FUBP1: variants seen among roughly 807,000 people sequenced by gnomAD.
FUBP1 encodes the protein far upstream element binding protein 1.
A neutral mutation model predicts 94.9 loss-of-function variants in FUBP1; 16 were observed. The ratio of observed to expected loss-of-function variants is 0.17; its 90% CI spans 0.11 to 0.26. The LOEUF is 0.26. Ranked by LOEUF, FUBP1 falls within the 10% of genes least tolerant of loss-of-function variation. The pLI is 1.00. For missense variants in FUBP1, 583 were observed against 808.6 expected, an observed-to-expected ratio of 0.72 and a Z score of 3.38; for synonymous variants, 279 against 254.9, an observed-to-expected ratio of 1.09 and a Z score of -0.90.
Position 77,947,946 on chromosome 1 carries a change from GT to G in FUBP1, c.*819del. 1.0e-6 allele frequency: 1 copy of G among 1,003,724 alleles called. No individual in the cohort carries two copies. Among genetic ancestry groups the G allele is most frequent in the Non-Finnish European group, 1.2e-6 (1 of 819,000 alleles). 62.2% of individuals were successfully genotyped at this position (1,003,724 alleles called of 1,614,324 possible). ...GAGTTGCTTCACATGGAAAAAAACTGTTCTTATTAGACTACTCATATTCACT... is the reference window on the plus strand; with the variant it reads ...GAGTTGCTTCACATGGAAAAAAACTGTCTTATTAGACTACTCATATTCACT... On this transcript the variant is annotated 3_prime_UTR_variant, in exon 20 of 20. Transcript: ENST00000370768.
chr1:77,967,545 A>T, intron 4 of FUBP1, 82 bp downstream of exon 4: 1 of 964,090 alleles, frequency 1.0e-6, no homozygotes, highest in Non-Finnish European at 1.6e-6. Flanking sequence ...ACACATATTC[A>T]ATATACACCA....
Position 77,949,256 on chromosome 1 carries a change from G to A in FUBP1, c.1825C>T (p.Pro609Ser). Reference sequence around the variant, plus strand: ...TCAGCCCAGGCTGCACTATAATCTGGCTGACCACCTGGAGGAGCCCCAGTC... The same window carrying A: ...TCAGCCCAGGCTGCACTATAATCTGACTGACCACCTGGAGGAGCCCCAGTC... ...APTGAPPGGQ[P>S]DYSAAWAEYY... The change falls in exon 19 of 20, where the codon CCA becomes TCA. Residue 609 changes from proline (P) to serine (S), a missense_variant. Transcript: ENST00000370768. The A allele has an allele frequency of 6.2e-7, 1 of 1,613,630 alleles. No homozygotes were observed. Among genetic ancestry groups the A allele is most frequent in the Non-Finnish European group, 8.5e-7 (1 of 1,179,626 alleles).
intron 3 of FUBP1, among the ~76,000 whole-genome samples, 185 bp downstream of exon 3, chr1:77,967,980 G>A (rs559072610): frequency 3.3e-5 from 5 of 151,932 alleles, no homozygotes; most frequent in Non-Finnish European, 5.9e-5. Flanking sequence ...ACATATACCC[G>A]GCCACAATTA....
intron 18 of FUBP1, among the ~76,000 whole-genome samples, chr1:77,952,256 A>T (rs190232912): frequency 1.9e-3 from 285 of 152,200 alleles, no homozygotes; most frequent in Non-Finnish European, 3.2e-3. Flanking sequence ...TAAAATAAAA[A>T]AAAATAAAAT....
chr1:77,969,582 G>A (rs1195179717), intron 2 of FUBP1, among the ~76,000 whole-genome samples: 1 of 152,034 alleles, frequency 6.6e-6, no homozygotes, highest in Non-Finnish European at 1.5e-5. Context: ...TCACGTATGA[G>A]TAAAACCAGT....
In FUBP1 at chr1:77,946,439, T is replaced by C. The variant is rs1470840719; in HGVS notation, c.*2327A>G. 3 of 200,956 alleles carry C rather than the reference T, an allele frequency of 1.5e-5. No individual in the cohort carries two copies. The highest frequency in any genetic ancestry group is 4.6e-5 in the African/African-American group (2 of 43,498). 12.4% of individuals were successfully genotyped at this position (200,956 alleles called of 1,614,324 possible). On this transcript the variant is annotated 3_prime_UTR_variant, in exon 20 of 20. Coordinates refer to ENST00000370768, the MANE Select transcript of FUBP1 (RefSeq NM_003902.5). ...TACATTTTGGGGAAGCAGTAGCAGA[T>C]TGCCTTTGAATACACAACCACAAAA...
At chr1:77,962,746 A>G in intron 14 of FUBP1, 24 bp downstream of exon 14, 1 of 1,565,978 alleles carries the variant, frequency 6.4e-7, no homozygotes, top group Non-Finnish European at 8.8e-7. Context: ...TACACTAAAA[A>G]TTAAAAGTTT....
rs1270526690 is a variant in FUBP1 at position 77,977,736 on chromosome 1, G to A, written c.120+1149C>T. Among the ~76,000 whole-genome samples, 4 of 152,276 alleles carry A rather than the reference G, an allele frequency of 2.6e-5. No individual in the cohort carries two copies. The East Asian group carries it at 7.7e-4, about 29-fold the overall frequency. On this transcript the variant is annotated intron_variant, in intron 1 of 19. Transcript: ENST00000370768. Reference sequence around the variant, plus strand: ...TGTTCAGAATTTCTTAAATTACGTGGAAAAAACCGCAGAACTAATATTAAT... The same window carrying A: ...TGTTCAGAATTTCTTAAATTACGTGAAAAAAACCGCAGAACTAATATTAAT...
chr1:77,962,338 T>C (rs1239501110), intron 14 of FUBP1, among the ~76,000 whole-genome samples: 1 of 152,182 alleles, frequency 6.6e-6, no homozygotes, highest in African/African-American at 2.4e-5. Context: ...AGATGATCTG[T>C]GAGCCAGTCC....
chr1:77,969,591 G>A (rs913937569), intron 2 of FUBP1, among the ~76,000 whole-genome samples: 2 of 152,072 alleles, frequency 1.3e-5, no homozygotes. Flanking sequence ...AGTAAAACCA[G>A]TGAAGTGTCT....
At chr1:77,949,026 C>T in intron 19 of FUBP1, 129 bp downstream of exon 19, 1 of 983,786 alleles carries the variant, frequency 1.0e-6, no homozygotes, top group Non-Finnish European at 1.6e-6. Context: ...CACCGTAGTA[C>T]TTCATTTAAA....
intron 13 of FUBP1, 67 bp from the exon 14 acceptor site, chr1:77,962,997 A>C: frequency 9.7e-7 from 1 of 1,031,328 alleles, no homozygotes; most frequent in Non-Finnish European, 1.4e-6. Flanking sequence ...TTAGAAGAAA[A>C]TGGTCACAAT....
chr1:77,963,635 A>G lies in FUBP1; in HGVS notation c.1122T>C (p.Gly374=). 6.2e-7 allele frequency: 1 copy of G among 1,601,538 alleles called. No homozygotes were observed. The highest frequency in any genetic ancestry group is 8.6e-7 in the Non-Finnish European group (1 of 1,168,578). Residue 374 remains glycine, a synonymous_variant, in exon 13 of 20, where the codon GGT becomes GGC. Coordinates refer to ENST00000370768, the MANE Select transcript of FUBP1 (RefSeq NM_003902.5). The part of the protein sequence containing the change: ...GQGNWNMGPP[G]GLQEFNFIVP... ...CAATAAAATTAAATTCCTGTAGTCCACCAGGTGGTCCCATGTTCCAGTTGC... is the reference window on the plus strand; with the variant it reads ...CAATAAAATTAAATTCCTGTAGTCCGCCAGGTGGTCCCATGTTCCAGTTGC...
chr1:77,955,856 C>A (rs954562723), intron 17 of FUBP1, among the ~76,000 whole-genome samples: 1 of 152,068 alleles, frequency 6.6e-6, no homozygotes, highest in African/African-American at 2.4e-5. Context: ...TTTCTAACTA[C>A]CATACTCTAC....
intron 18 of FUBP1, among the ~76,000 whole-genome samples, chr1:77,953,287 T>C (rs1023139838): frequency 1.3e-5 from 2 of 151,770 alleles, no homozygotes; most frequent in African/African-American, 4.8e-5. Flanking sequence ...GTCAGGAGTT[T>C]GAGACCAGCT....
chr1:77,957,050 C>G (rs577611545), intron 16 of FUBP1, among the ~76,000 whole-genome samples: 8 of 152,148 alleles, frequency 5.3e-5, no homozygotes, highest in Non-Finnish European at 1.0e-4. Flanking sequence ...CAAGCACAAA[C>G]AGCTCTATCT....
Position 77,964,121 on chromosome 1 carries a change from G to T in FUBP1, c.982C>A (p.Pro328Thr). ...TPERIAQITG[P>T]PDRCQHAAEI... ...GCAGCATGTTGACATCGGTCTGGAG[G>T]TCCTGTTATTTGTGCTATCCTTTCG... Residue 328 changes from proline (P) to threonine (T), a missense_variant, in exon 12 of 20, where the codon CCT (proline) becomes ACT (threonine). Physicochemically the swap from Pro to Thr is conservative, Grantham distance 38. Transcript: ENST00000370768. The T allele has an allele frequency of 6.2e-7, 1 of 1,609,104 alleles. No individual in the cohort carries two copies. Among genetic ancestry groups the T allele is most frequent in the Non-Finnish European group, 8.5e-7 (1 of 1,175,440 alleles).
chr1:77,956,520 A>G lies in FUBP1; in HGVS notation c.1705+52T>C, dbSNP rs890600574. ...TATTATACAGTGATGTACTTCATATATAATTCCAAGCACAACTTTTGGCTT... is the reference window on the plus strand; with the variant it reads ...TATTATACAGTGATGTACTTCATATGTAATTCCAAGCACAACTTTTGGCTT... On this transcript the variant is annotated intron_variant, in intron 17 of 19. Coordinates refer to ENST00000370768, the MANE Select transcript of FUBP1 (RefSeq NM_003902.5). 4.2e-5 allele frequency: 57 copies of G among 1,370,186 alleles called. 1 individual carries two copies. In the Middle Eastern group the frequency reaches 2.0e-3, roughly 48 times the overall value. The allele number at this position is 1,370,186 out of a possible 1,614,324, so 84.9% of individuals were successfully genotyped here. A position where few individuals can be genotyped will look rare whatever the true frequency, so the allele number is the denominator to read the frequency against.
In FUBP1 at chr1:77,947,197, T is replaced by C; in HGVS notation, c.*1569A>G. The C allele has an allele frequency of 8.4e-6, 2 of 238,732 alleles. No individual in the cohort carries two copies. Among genetic ancestry groups the C allele is most frequent in the South Asian group, 2.0e-4 (2 of 9,992 alleles). The allele number at this position is 238,732 out of a possible 1,614,324, so 14.8% of individuals were successfully genotyped here. A position where few individuals can be genotyped will look rare whatever the true frequency, so the allele number is the denominator to read the frequency against. The stretch of plus-strand genomic sequence containing the variant: ...TTAGGAGCACCAGTGAATAATACTA[T>C]TCAACTTTGTTAAGTATCAGTTTTC... On this transcript the variant is annotated 3_prime_UTR_variant, in exon 20 of 20. Coordinates refer to ENST00000370768, the MANE Select transcript of FUBP1 (RefSeq NM_003902.5).
Sources: gnomAD v4.1 joint callset for allele counts (sites outside exome capture counted in the v4.1 genomes callset) on GRCh38, gnomAD v4.1.1 for gene constraint, MANE v1.5 for transcripts, NCBI Gene and HGNC (gene_info 2026-07-23, HGNC 2026-07-21) for gene names.